Variants in PLCB4 observed in about 807,000 individuals in gnomAD.
The protein encoded by PLCB4 is phospholipase C beta 4, also known as 1-phosphatidylinositol 4,5-bisphosphate phosphodiesterase beta-4.
Under a neutral mutation model 178.8 loss-of-function variants are expected in PLCB4, and 77 were observed. The ratio of observed to expected loss-of-function variants is 0.43; its 90% CI spans 0.36 to 0.52. The LOEUF (loss-of-function observed/expected upper bound fraction) is 0.52, where lower values mean the gene tolerates loss of function less well. Ranked by LOEUF, PLCB4 falls within the 20% of genes least tolerant of loss-of-function variation. The probability of loss-of-function intolerance (pLI) is 0.00; values close to 1 mark genes in which losing one functional copy is unlikely to be tolerated. For missense variants in PLCB4, 1,024 were observed against 1,453.4 expected (o/e 0.70, Z 4.80); for synonymous variants, 496 against 490.8 (o/e 1.01, Z -0.14).
At chr20:9,434,384 A>G (rs543048141) in intron 28 of PLCB4, among the ~76,000 whole-genome samples, 1 of 151,880 alleles carries the variant, frequency 6.6e-6, no homozygotes, top group Non-Finnish European at 1.5e-5. Flanking sequence ...GTTTATTATT[A>G]TTTTTTTCTG....
At chr20:9,295,870 G>T (rs943211685) in intron 3 of PLCB4, among the ~76,000 whole-genome samples, 2 of 152,052 alleles carry the variant, frequency 1.3e-5, no homozygotes. Context: ...CTCCAGCTTT[G>T]TTCTTTTGGC....
rs2044742821 is a variant in PLCB4 at position 9,479,096 on chromosome 20, T to C, written c.*87T>C. 2 of 903,656 alleles carry C rather than the reference T, an allele frequency of 2.2e-6. No individual in the cohort carries two copies. The highest frequency in any genetic ancestry group is 2.8e-5 in the South Asian group (2 of 70,772). 56.0% of individuals were successfully genotyped at this position (903,656 alleles called of 1,614,324 possible). A position where few individuals can be genotyped will look rare whatever the true frequency, so the allele number is the denominator to read the frequency against. The stretch of plus-strand genomic sequence containing the variant: ...GATGAAAGCTGTTTATTTTGTTTCC[T>C]TTATGTGTAAACAAGATGATATCTG... On this transcript the variant is annotated 3_prime_UTR_variant, in exon 40 of 40. Coordinates refer to ENST00000378473, the MANE Select transcript of PLCB4 (RefSeq NM_001377142.1).
chr20:9,307,510 C>T (rs866659322), intron 3 of PLCB4, among the ~76,000 whole-genome samples: 28,455 of 132,792 alleles, frequency 0.21, 3,238 homozygotes, highest in Middle Eastern at 0.34. Flanking sequence ...CACACACACA[C>T]ACACACACAC....
intron 2 of PLCB4, among the ~76,000 whole-genome samples, chr20:9,212,496 TC>T (rs1300417448): frequency 6.6e-6 from 1 of 152,234 alleles, no homozygotes; most frequent in Non-Finnish European, 1.5e-5. Context: ...TTTGTAGGTT[TC>T]TTCCTCCTCT....
At chr20:9,177,713 A>C (rs1224688569) in intron 2 of PLCB4, among the ~76,000 whole-genome samples, 1 of 152,226 alleles carries the variant, frequency 6.6e-6, no homozygotes, top group Admixed American at 6.5e-5. Context: ...TTTCAAGATG[A>C]CTTTAGGCAT....
chr20:9,352,277 TG>T (rs2034416299), intron 7 of PLCB4, among the ~76,000 whole-genome samples: 1 of 152,248 alleles, frequency 6.6e-6, no homozygotes, highest in African/African-American at 2.4e-5. Context: ...TAGGCATTAA[TG>T]TAAGTATACT....
rs1467623380 is a variant in PLCB4 at position 9,286,347 on chromosome 20, A to G, written c.-15-21453A>G. 3.9e-5 allele frequency among the ~76,000 whole-genome samples: 6 copies of G among 152,040 alleles called. No individual in the cohort carries two copies. The South Asian group carries it at 1.0e-3, about 26-fold the overall frequency. On this transcript the variant is annotated intron_variant, in intron 3 of 39. Transcript: ENST00000378473. ...TTTGTAAAAGTTTTGCTGAAGAAGT[A>G]TGTGTTTATCATATGAGGAGGTGGT...
chr20:9,405,100 C>A (rs778791737), intron 20 of PLCB4, among the ~76,000 whole-genome samples: 2 of 152,126 alleles, frequency 1.3e-5, no homozygotes, highest in Non-Finnish European at 2.9e-5. Flanking sequence ...AGACTGTCCA[C>A]GAAGGAGGGA....
At chr20:9,424,459 A>G (rs2040857465) in intron 28 of PLCB4, among the ~76,000 whole-genome samples, 1 of 152,236 alleles carries the variant, frequency 6.6e-6, no homozygotes, top group South Asian at 2.1e-4. Context: ...AGATTAAGTC[A>G]TAGAATTTTG....
At chr20:9,191,059 T>G (rs1324312425) in intron 2 of PLCB4, among the ~76,000 whole-genome samples, 1 of 152,226 alleles carries the variant, frequency 6.6e-6, no homozygotes, top group East Asian at 1.9e-4. Flanking sequence ...TTTCATGAAA[T>G]GCAGTTCTGC....
At chr20:9,280,594 G>A (rs562011231) in intron 3 of PLCB4, 12 of 280,980 alleles carry the variant, frequency 4.3e-5, no homozygotes, top group African/African-American at 2.5e-4. Context: ...TGCCTTGCTT[G>A]GATTTTTAGT....
intron 3 of PLCB4, among the ~76,000 whole-genome samples, chr20:9,217,907 T>A (rs944216399): frequency 6.6e-6 from 1 of 152,206 alleles, no homozygotes; most frequent in East Asian, 1.9e-4. Flanking sequence ...CAGGGGATGA[T>A]GTAAATAAAT....
At chr20:9,333,245 G>T (rs1266013066) in intron 4 of PLCB4, among the ~76,000 whole-genome samples, 1 of 152,160 alleles carries the variant, frequency 6.6e-6, no homozygotes, top group Non-Finnish European at 1.5e-5. Context: ...AAACAAGACT[G>T]CTTCAAGGAC....
intron 2 of PLCB4, among the ~76,000 whole-genome samples, chr20:9,112,682 G>C (rs1302820900): frequency 6.6e-6 from 1 of 151,962 alleles, no homozygotes; most frequent in Non-Finnish European, 1.5e-5. Context: ...AGCTTATCTG[G>C]GCTAGGCCTG....
chr20:9,269,483 G>C (rs2094381758), intron 3 of PLCB4, among the ~76,000 whole-genome samples: 1 of 152,130 alleles, frequency 6.6e-6, no homozygotes, highest in Non-Finnish European at 1.5e-5. Flanking sequence ...GTTCAACTAT[G>C]TCATCATTCC....
At chr20:9,432,661 T>C (rs1342021813) in intron 28 of PLCB4, among the ~76,000 whole-genome samples, 1 of 152,318 alleles carries the variant, frequency 6.6e-6, no homozygotes, top group East Asian at 1.9e-4. Flanking sequence ...AGAGTTGTGC[T>C]AAAAGTCTAG....
intron 3 of PLCB4, among the ~76,000 whole-genome samples, chr20:9,254,477 T>C (rs1479533010): frequency 1.3e-5 from 2 of 152,282 alleles, no homozygotes; most frequent in African/African-American, 2.4e-5. Flanking sequence ...GGTGGACCAC[T>C]TGAGGCCCCT....
At chr20:9,383,508 T>C (rs1029771425) in intron 13 of PLCB4, among the ~76,000 whole-genome samples, 4 of 152,206 alleles carry the variant, frequency 2.6e-5, no homozygotes, top group African/African-American at 9.7e-5. Context: ...TAAATACTGA[T>C]TGTTGCTCCT....
intron 30 of PLCB4, among the ~76,000 whole-genome samples, chr20:9,441,022 G>T (rs185400160): frequency 6.6e-6 from 1 of 152,172 alleles, no homozygotes; most frequent in Non-Finnish European, 1.5e-5. Flanking sequence ...GTAAAGTAGA[G>T]ATGAAGATTT....
Sources: allele counts gnomAD v4.1 joint callset (sites outside exome capture counted in the v4.1 genomes callset), GRCh38; gene constraint gnomAD v4.1.1; transcripts MANE v1.5; gene names NCBI Gene and HGNC (gene_info 2026-07-23, HGNC 2026-07-21).